ORMDL1: variants seen among roughly 807,000 people sequenced by gnomAD.
The protein encoded by ORMDL1 is ORM1-like protein 1.
ORMDL1 carries 10 observed loss-of-function variants against 13.0 expected under a neutral mutation model. The ratio of observed to expected loss-of-function variants is 0.77; its 90% CI spans 0.47 to 1.30. The LOEUF is 1.30. ORMDL1 is among the 50% of genes most tolerant of loss of function. The pLI, the probability that ORMDL1 is intolerant of heterozygous loss-of-function variation, is 0.00. For missense variants in ORMDL1, 171 were observed against 186.7 expected (o/e 0.92, Z 0.49); for synonymous variants, 61 against 63.9 (o/e 0.95, Z 0.22).
chr2:189,769,393 T>TG (rs2047534646), downstream of ORMDL1, among the ~76,000 whole-genome samples: 1 of 7,518 alleles, frequency 1.3e-4, no homozygotes, highest in South Asian at 0.019. Context: ...TCCAGCCATC[T>TG]CAAAAAAAAA....
chr2:189,777,602 T>C (rs1031732428), intron 3 of ORMDL1, among the ~76,000 whole-genome samples: 4 of 152,218 alleles, frequency 2.6e-5, no homozygotes, highest in African/African-American at 7.2e-5. Context: ...TTTTAAATTG[T>C]TTTTATGTAA....
downstream of ORMDL1, among the ~76,000 whole-genome samples, chr2:189,767,208 G>A (rs1181796074): frequency 6.6e-6 from 1 of 152,130 alleles, no homozygotes; most frequent in Non-Finnish European, 1.5e-5. Context: ...AAGTGTGTGG[G>A]TCTATGTGTG....
chr2:189,769,097 T>G (rs945458825), downstream of ORMDL1, among the ~76,000 whole-genome samples: 2 of 151,962 alleles, frequency 1.3e-5, no homozygotes, highest in Admixed American at 6.6e-5. Flanking sequence ...CAAGCTAAGG[T>G]AGGGGGCCCG....
At chr2:189,779,802 G>T (rs181198413) in intron 3 of ORMDL1, among the ~76,000 whole-genome samples, 74 of 152,334 alleles carry the variant, frequency 4.9e-4, no homozygotes, top group African/African-American at 1.6e-3. Context: ...TGAGAGTAAA[G>T]CAGTAGAAGA....
chr2:189,783,780 G>C (rs1397503604), intron 1 of ORMDL1, among the ~76,000 whole-genome samples: 1 of 152,210 alleles, frequency 6.6e-6, no homozygotes, highest in Admixed American at 6.5e-5. Flanking sequence ...TCAGCTGGAA[G>C]GCAAAGCTGG....
In ORMDL1 at chr2:189,775,931, A is replaced by C. The variant is rs942571729; in HGVS notation, c.175-215T>G. Among the ~76,000 whole-genome samples, 4 of 152,188 alleles carry C rather than the reference A, an allele frequency of 2.6e-5. 1 individual carries two copies. The highest frequency in any genetic ancestry group is 5.9e-5 in the Non-Finnish European group (4 of 68,028). On this transcript the variant is annotated intron_variant, in intron 3 of 4. Transcript: ENST00000392349. ...AAAATATTAAGTGAGAATTGGTAAA[A>C]GGTCAACTGAAAGTAACCTGTTTGC... is the stretch of plus-strand genomic sequence containing the variant.
At chr2:189,768,494 T>C (rs919701189), downstream of ORMDL1, among the ~76,000 whole-genome samples, 25 of 152,352 alleles carry the variant, frequency 1.6e-4, no homozygotes, top group African/African-American at 6.0e-4. Flanking sequence ...CAGCTTTAGC[T>C]AGACAAGATG....
downstream of ORMDL1, among the ~76,000 whole-genome samples, chr2:189,768,852 C>CTGAT (rs1364636905): frequency 6.6e-6 from 1 of 152,084 alleles, no homozygotes; most frequent in Admixed American, 6.5e-5. Flanking sequence ...AATCTGAAAC[C>CTGAT]ATATCATATG....
intron 3 of ORMDL1, 101 bp from the exon 4 acceptor site, chr2:189,775,817 G>T: frequency 8.8e-7 from 1 of 1,130,980 alleles, no homozygotes; most frequent in Non-Finnish European, 1.2e-6. Flanking sequence ...GAGAGTGTGT[G>T]ATTTAACTGA....
chr2:189,783,749 T>C (rs970576000), intron 1 of ORMDL1, among the ~76,000 whole-genome samples: 5 of 152,338 alleles, frequency 3.3e-5, no homozygotes, highest in South Asian at 4.1e-4. Flanking sequence ...TTCCACAGGA[T>C]GGAGGCCTGA....
rs779256187 is a variant in ORMDL1 at position 189,782,432 on chromosome 2, A to G, written c.164T>C (p.Ile55Thr). The change falls in exon 3 of 5, where the codon ATA becomes ACA. Residue 55 changes from isoleucine (I) to threonine (T), a missense_variant. By Grantham distance (89) the Ile-to-Thr change is moderately conservative. Coordinates refer to ENST00000392349, the MANE Select transcript of ORMDL1 (RefSeq NM_016467.5). ...VPVAWTLTNIIHNLGMYVFLH... is the reference protein window; with the variant it reads ...VPVAWTLTNITHNLGMYVFLH... The stretch of plus-strand genomic sequence containing the variant: ...ATGTGAAATTCTTACCAGATTATGT[A>G]TAATATTTGTTAAAGTCCAAGCAAC... 6.2e-6 allele frequency: 10 copies of G among 1,612,998 alleles called. No homozygotes were observed. In the African/African-American group the frequency reaches 9.3e-5, roughly 15 times the overall value.
Position 189,771,043 on chromosome 2 carries a change from G to A in ORMDL1, c.*724C>T, listed in dbSNP as rs1298992794. 6.6e-6 allele frequency: 1 copy of A among 152,134 alleles called. No individual in the cohort carries two copies. The highest frequency in any genetic ancestry group is 1.5e-5 in the Non-Finnish European group (1 of 68,026). The allele number at this position is 152,134 out of a possible 1,614,324, so 9.4% of individuals were successfully genotyped here. A position where few individuals can be genotyped will look rare whatever the true frequency, so the allele number is the denominator to read the frequency against. On this transcript the variant is annotated 3_prime_UTR_variant, in exon 5 of 5. Coordinates refer to ENST00000392349, the MANE Select transcript of ORMDL1 (RefSeq NM_016467.5). ...TTTTCTTAATTGGTTTAGCAGCCTTGTGTCTGGAAAAGCAGTAAAACCTGC... is the reference window on the plus strand; with the variant it reads ...TTTTCTTAATTGGTTTAGCAGCCTTATGTCTGGAAAAGCAGTAAAACCTGC...
chr2:189,765,395 T>A (rs896850644), downstream of ORMDL1: 2 of 152,196 alleles, frequency 1.3e-5, no homozygotes, highest in Admixed American at 6.5e-5. Flanking sequence ...GTGCCACAGA[T>A]GTATGCCAGC....
At chr2:189,780,730 A>G (rs2106155740) in intron 3 of ORMDL1, among the ~76,000 whole-genome samples, 1 of 152,336 alleles carries the variant, frequency 6.6e-6, no homozygotes, top group South Asian at 2.1e-4. Flanking sequence ...GGAAGTTTCA[A>G]CAAAAGTGAG....
At chr2:189,775,897 TG>T (rs1192823325) in intron 3 of ORMDL1, among the ~76,000 whole-genome samples, 181 bp from the exon 4 acceptor site, 1 of 152,200 alleles carries the variant, frequency 6.6e-6, no homozygotes, top group Non-Finnish European at 1.5e-5. Context: ...TAGAACTTTC[TG>T]GGGTATAAAA....
In ORMDL1 at chr2:189,782,554, G is replaced by C. The variant is rs2047881168; in HGVS notation, c.42C>G (p.Thr14=). 1 of 1,614,038 alleles carries C rather than the reference G, an allele frequency of 6.2e-7. No homozygotes were observed. Among genetic ancestry groups the C allele is most frequent in the Non-Finnish European group, 8.5e-7 (1 of 1,180,028 alleles). Residue 14 remains threonine, a synonymous_variant, in exon 3 of 5, where the codon ACC becomes ACG. Transcript: ENST00000392349. ...ACATACCCCGGCTGTTCATGACACG[G>C]GTATTTGGATTCACTTCACTGTGGG... ...GVAHSEVNPN[T]RVMNSRGMWL... is the part of the protein sequence containing the mutation.
intron 3 of ORMDL1, chr2:189,778,434 C>T (rs192842921): frequency 7.5e-5 from 34 of 455,866 alleles, no homozygotes; most frequent in African/African-American, 4.2e-4. Flanking sequence ...CATTTAAATA[C>T]GTTCTTAGCG....
chr2:189,767,509 T>G (rs994548893), downstream of ORMDL1, among the ~76,000 whole-genome samples: 3 of 152,230 alleles, frequency 2.0e-5, no homozygotes, highest in South Asian at 6.2e-4. Flanking sequence ...CAATAAAAAT[T>G]TATAATTGCT....
chr2:189,769,018 A>C (rs1050239386), downstream of ORMDL1, among the ~76,000 whole-genome samples: 1 of 152,152 alleles, frequency 6.6e-6, no homozygotes, highest in Non-Finnish European at 1.5e-5. Flanking sequence ...ATACTGTCTT[A>C]TAAGTCCTCT....
Sources: allele counts gnomAD v4.1 joint callset (sites outside exome capture counted in the v4.1 genomes callset), GRCh38; gene constraint gnomAD v4.1.1; transcripts MANE v1.5; gene names NCBI Gene and HGNC (gene_info 2026-07-23, HGNC 2026-07-21).